The following OSBPL8 variants were observed in gnomAD, a reference collection of about 807,000 sequenced individuals.
OSBPL8 encodes the protein oxysterol-binding protein-related protein 8.
In OSBPL8, 59 loss-of-function variants were observed where a neutral mutation model predicts 125.5. That is an observed-to-expected ratio of 0.47 (90% confidence interval 0.38 to 0.58). The LOEUF (loss-of-function observed/expected upper bound fraction) is 0.58, where lower values mean the gene tolerates loss of function less well. OSBPL8 is among the 20% of genes least tolerant of loss of function. The probability of loss-of-function intolerance (pLI) is 0.00; values close to 1 mark genes in which losing one functional copy is unlikely to be tolerated. For missense variants in OSBPL8, 758 were observed against 1,047.8 expected, an observed-to-expected ratio of 0.72 and a Z score of 3.82; for synonymous variants, 330 against 338.9, an observed-to-expected ratio of 0.97 and a Z score of 0.29.
chr12:76,352,931 T>C lies in OSBPL8; in HGVS notation c.*2958A>G, dbSNP rs758522923. ...TCTACATCAATGTCTGAGTAAAGAATAGGTAAATAGACAAACCCCTATAAA... is the reference window on the plus strand; with the variant it reads ...TCTACATCAATGTCTGAGTAAAGAACAGGTAAATAGACAAACCCCTATAAA... On this transcript the variant is annotated 3_prime_UTR_variant, in exon 24 of 24. Transcript: ENST00000261183. 3 of 152,448 alleles carry C rather than the reference T, an allele frequency of 2.0e-5. No homozygotes were observed. Among genetic ancestry groups the C allele is most frequent in the East Asian group, 1.9e-4 (1 of 5,192 alleles). The allele number at this position is 152,448 out of a possible 1,614,324, so 9.4% of individuals were successfully genotyped here.
At chr12:76,356,327 T>C (rs1592505068) in intron 23 of OSBPL8, among the ~76,000 whole-genome samples, 1 of 152,250 alleles carries the variant, frequency 6.6e-6, no homozygotes, top group East Asian at 1.9e-4. Context: ...ACTGACTTTC[T>C]CAGAAACAAT....
intron 6 of OSBPL8, among the ~76,000 whole-genome samples, chr12:76,400,679 TA>T (rs1954015871): frequency 6.6e-6 from 1 of 151,642 alleles, no homozygotes; most frequent in Non-Finnish European, 1.5e-5. Context: ...AATCTTACAA[TA>T]AAAATACTGT....
At chr12:76,550,498 C>T (rs189826276) in intron 1 of OSBPL8, among the ~76,000 whole-genome samples, 1 of 152,192 alleles carries the variant, frequency 6.6e-6, no homozygotes, top group Admixed American at 6.5e-5. Flanking sequence ...CAGGGGTGTC[C>T]AATCATTTGG....
At chr12:76,403,186 C>T (rs1460143524) in intron 5 of OSBPL8, among the ~76,000 whole-genome samples, 1 of 152,212 alleles carries the variant, frequency 6.6e-6, no homozygotes, top group Non-Finnish European at 1.5e-5. Flanking sequence ...TTCTACTCCT[C>T]CTTCAATAGG....
chr12:76,513,224 T>C (rs1881183173), intron 1 of OSBPL8, among the ~76,000 whole-genome samples: 1 of 152,202 alleles, frequency 6.6e-6, no homozygotes, highest in Non-Finnish European at 1.5e-5. Flanking sequence ...ATTATGTGAT[T>C]GCTTTCAGAA....
Position 76,394,744 on chromosome 12 carries a change from A to G in OSBPL8, c.673-15T>C, listed in dbSNP as rs764985639. 3 of 1,576,088 alleles carry G rather than the reference A, an allele frequency of 1.9e-6. No individual in the cohort carries two copies. The East Asian group carries it at 6.7e-5, about 35-fold the overall frequency. On this transcript the variant is annotated splice_polypyrimidine_tract_variant and intron_variant, in intron 8 of 23. Transcript: ENST00000261183. ...CCTTTTGGACCCTTAATAACAAAAT[A>G]AACAAAATAAATGGTATAGAGTAAT...
intron 1 of OSBPL8, among the ~76,000 whole-genome samples, chr12:76,496,368 TA>T (rs1388400660): frequency 1.4e-3 from 187 of 134,756 alleles, no homozygotes; most frequent in African/African-American, 4.4e-3. Flanking sequence ...AAATGCTGTG[TA>T]ATTTTTTTTT....
intron 1 of OSBPL8, among the ~76,000 whole-genome samples, chr12:76,528,640 C>T (rs577076371): frequency 6.6e-6 from 1 of 152,042 alleles, no homozygotes; most frequent in Non-Finnish European, 1.5e-5. Flanking sequence ...ATAGTTGTCA[C>T]AAGCCAAAGA....
intron 4 of OSBPL8, among the ~76,000 whole-genome samples, chr12:76,450,071 TA>T (rs1873200336): frequency 6.6e-6 from 1 of 152,218 alleles, no homozygotes; most frequent in African/African-American, 2.4e-5. Flanking sequence ...AGGTGTCTTT[TA>T]AGCTAGACAT....
chr12:76,558,400 G>A (rs1436628712), intron 1 of OSBPL8, among the ~76,000 whole-genome samples: 3 of 152,120 alleles, frequency 2.0e-5, no homozygotes, highest in African/African-American at 7.2e-5. Context: ...TAGATACGAA[G>A]GGAGGCAAAA....
At position 76,512,126 on chromosome 12, in the gene OSBPL8, C is replaced by T. The variant is rs79260128; in HGVS notation, c.-67-24508G>A. Among the ~76,000 whole-genome samples, 442 of 152,248 alleles carry T rather than the reference C, an allele frequency of 2.9e-3. 2 individuals are homozygous for T. The highest frequency in any genetic ancestry group is 0.01 in the African/African-American group (425 of 41,536). On this transcript the variant is annotated intron_variant, in intron 1 of 23. Transcript: ENST00000261183. ...TTTTCTGCTCCTCTACCTCATATAA[C>T]CCTCCCCGCTCAAGTAGACCCCAGT... is the stretch of plus-strand genomic sequence containing the variant.
intron 1 of OSBPL8, among the ~76,000 whole-genome samples, chr12:76,515,703 T>A (rs574055644): frequency 6.6e-6 from 1 of 151,852 alleles, no homozygotes; most frequent in Non-Finnish European, 1.5e-5. Context: ...GCAGGGGAGG[T>A]TCCCCTGCCT....
chr12:76,375,377 G>A lies in OSBPL8; in HGVS notation c.1730-7C>T. ...ATTGTACCATAAAGAATTCCTAAAG[G>A]AAAAAGATTTGACAAAAAATTGAAA... is the stretch of plus-strand genomic sequence containing the variant. On this transcript the variant is annotated splice_region_variant and splice_polypyrimidine_tract_variant and intron_variant, in intron 16 of 23. Transcript: ENST00000261183. The A allele has an allele frequency of 6.2e-7, 1 of 1,602,324 alleles. No homozygotes were observed. Among genetic ancestry groups the A allele is most frequent in the Non-Finnish European group, 8.5e-7 (1 of 1,171,458 alleles).
chr12:76,504,086 C>CAA (rs74964976), intron 1 of OSBPL8, among the ~76,000 whole-genome samples: 81 of 98,324 alleles, frequency 8.2e-4, no homozygotes, highest in African/African-American at 2.3e-3. Flanking sequence ...ACTTAAAGGC[C>CAA]AAAAAAAAAA....
intron 1 of OSBPL8, among the ~76,000 whole-genome samples, chr12:76,500,701 T>C (rs1402240876): frequency 6.6e-6 from 1 of 152,182 alleles, no homozygotes; most frequent in Non-Finnish European, 1.5e-5. Context: ...TGCTGAAGAA[T>C]TTAAAGATTT....
At chr12:76,408,143 T>TAAAA (rs376221340) in intron 5 of OSBPL8, among the ~76,000 whole-genome samples, 4 of 92,018 alleles carry the variant, frequency 4.3e-5, no homozygotes, top group South Asian at 3.7e-4. Context: ...CCTCATCTCT[T>TAAAA]AAAAAAAAAA....
intron 16 of OSBPL8, among the ~76,000 whole-genome samples, chr12:76,377,353 C>T (rs1185199848): frequency 1.3e-5 from 2 of 152,056 alleles, no homozygotes; most frequent in Non-Finnish European, 2.9e-5. Context: ...ATAGCCACAC[C>T]GTCTTCCACA....
At chr12:76,421,637 A>C (rs1024723496) in intron 4 of OSBPL8, among the ~76,000 whole-genome samples, 1 of 152,132 alleles carries the variant, frequency 6.6e-6, no homozygotes, top group African/African-American at 2.4e-5. Flanking sequence ...GAAAAAATAT[A>C]TAAATACAAG....
intron 13 of OSBPL8, 82 bp from the exon 14 acceptor site, chr12:76,386,348 C>A (rs572443253): frequency 3.4e-6 from 5 of 1,475,418 alleles, no homozygotes; most frequent in Middle Eastern, 2.4e-4. Flanking sequence ...ATGGGTTTAA[C>A]TCTACCATCT....
Sources: gnomAD v4.1 joint callset for allele counts (sites outside exome capture counted in the v4.1 genomes callset) on GRCh38, gnomAD v4.1.1 for gene constraint, MANE v1.5 for transcripts, NCBI Gene and HGNC (gene_info 2026-07-23, HGNC 2026-07-21) for gene names.